RGS7: variants seen among roughly 807,000 people sequenced by gnomAD.
RGS7 encodes regulator of G protein signaling 7, also known as regulator of G-protein signaling 7.
RGS7 carries 27 observed loss-of-function variants against 81.1 expected under a neutral mutation model. The observed-to-expected ratio is 0.33, with a 90% CI of 0.25 to 0.46. RGS7 has a LOEUF of 0.46. RGS7 is among the 20% of genes least tolerant of loss of function. The probability of loss-of-function intolerance (pLI) is 1.00; values close to 1 mark genes in which losing one functional copy is unlikely to be tolerated. For synonymous variants in RGS7, 208 were observed against 207.7 expected, an observed-to-expected ratio of 1.00 and a Z score of -0.01; for missense variants, 396 against 607.4, an observed-to-expected ratio of 0.65 and a Z score of 3.66.
intron 4 of RGS7, among the ~76,000 whole-genome samples, chr1:240,941,486 C>G (rs1436522731): frequency 6.6e-6 from 1 of 151,950 alleles, no homozygotes; most frequent in East Asian, 1.9e-4. Context: ...TCAATATTTG[C>G]TAAATCAATG....
At chr1:241,278,555 G>A (rs745692881) in intron 2 of RGS7, among the ~76,000 whole-genome samples, 1 of 152,168 alleles carries the variant, frequency 6.6e-6, no homozygotes, top group South Asian at 2.1e-4. Flanking sequence ...AGCTACAGGA[G>A]GCTCAAGGGC....
chr1:241,326,713 G>A (rs146042702), intron 2 of RGS7, among the ~76,000 whole-genome samples: 57 of 138,288 alleles, frequency 4.1e-4, no homozygotes, highest in African/African-American at 1.5e-3. Context: ...GGAGGCAAAG[G>A]TGGGCAGGTC....
At chr1:241,200,014 A>G (rs1007182340) in intron 2 of RGS7, among the ~76,000 whole-genome samples, 1 of 152,220 alleles carries the variant, frequency 6.6e-6, no homozygotes, top group African/African-American at 2.4e-5. Context: ...AAATTATACA[A>G]TGTAATAACC....
At chr1:241,161,591 ATAT>A (rs991593977) in intron 2 of RGS7, among the ~76,000 whole-genome samples, 1 of 149,732 alleles carries the variant, frequency 6.7e-6, no homozygotes, top group Non-Finnish European at 1.5e-5. Flanking sequence ...ATAATAACTA[ATAT>A]TAATAATAAT....
intron 6 of RGS7, among the ~76,000 whole-genome samples, chr1:240,879,154 T>G (rs1392934891): frequency 6.6e-6 from 1 of 152,192 alleles, no homozygotes; most frequent in Admixed American, 6.5e-5. Flanking sequence ...TCTAACCCTT[T>G]CAGTAGATTT....
chr1:240,915,488 T>C (rs931922589), intron 6 of RGS7, among the ~76,000 whole-genome samples: 1 of 152,124 alleles, frequency 6.6e-6, no homozygotes, highest in African/African-American at 2.4e-5. Flanking sequence ...CCATGCCTTA[T>C]TTAAGAAGAA....
intron 2 of RGS7, among the ~76,000 whole-genome samples, chr1:241,213,027 A>G (rs58546578): frequency 0.014 from 2,181 of 152,276 alleles, 57 homozygotes; most frequent in African/African-American, 0.05. Context: ...ATGATTGCCA[A>G]CCTGCTTGTG....
rs772001113 is a variant in RGS7 at position 240,811,975 on chromosome 1, A to G, written c.1025T>C (p.Val342Ala). 29 of 1,613,748 alleles carry G rather than the reference A, an allele frequency of 1.8e-5. No individual in the cohort carries two copies. The highest frequency in any genetic ancestry group is 8.3e-5 in the Admixed American group (5 of 59,988). ...FGMDEALKDP[V>A]GREQFLKFLE... Reference sequence around the variant, plus strand: ...AAATTTAAGGAACTGTTCTCTCCCAACTGGGTCTTTCAATGCCTCGTCCAT... The same window carrying G: ...AAATTTAAGGAACTGTTCTCTCCCAGCTGGGTCTTTCAATGCCTCGTCCAT... The change falls in exon 14 of 19, where the codon GTT (valine) becomes GCT (alanine). Residue 342 changes from valine (V) to alanine (A), a missense_variant. By Grantham distance (64) the Val-to-Ala change is moderately conservative. Transcript: ENST00000440928.
At chr1:241,002,340 C>G (rs1358920125) in intron 3 of RGS7, among the ~76,000 whole-genome samples, 1 of 151,738 alleles carries the variant, frequency 6.6e-6, no homozygotes, top group Non-Finnish European at 1.5e-5. Flanking sequence ...ATAATCCCAG[C>G]TACTTGGGAG....
chr1:241,064,747 GA>G (rs1444746698), intron 3 of RGS7, among the ~76,000 whole-genome samples: 4 of 151,394 alleles, frequency 2.6e-5, no homozygotes, highest in Admixed American at 1.3e-4. Context: ...GACAAAGAAA[GA>G]AAAAAAAGTC....
chr1:241,020,190 T>C (rs751783794), intron 3 of RGS7, among the ~76,000 whole-genome samples: 1 of 152,208 alleles, frequency 6.6e-6, no homozygotes, highest in Non-Finnish European at 1.5e-5. Flanking sequence ...AAGTCTGGTA[T>C]GAAGTAGGGG....
At chr1:241,283,290 G>A (rs752328815) in intron 2 of RGS7, among the ~76,000 whole-genome samples, 1 of 152,082 alleles carries the variant, frequency 6.6e-6, no homozygotes, top group African/African-American at 2.4e-5. Context: ...CTTCCTTTCT[G>A]TTTAGAGAAT....
intron 2 of RGS7, among the ~76,000 whole-genome samples, chr1:241,321,286 A>G (rs1573661702): frequency 1.3e-5 from 2 of 152,302 alleles, no homozygotes; most frequent in African/African-American, 4.8e-5. Flanking sequence ...TGCTCTTCCT[A>G]TCTTCCAAAG....
chr1:240,851,981 T>C (rs1027316957), intron 9 of RGS7, among the ~76,000 whole-genome samples: 1 of 152,182 alleles, frequency 6.6e-6, no homozygotes, highest in Non-Finnish European at 1.5e-5. Context: ...CAACAAAGAA[T>C]TTAGAATATT....
chr1:241,204,974 CA>C (rs1558186491), intron 2 of RGS7, among the ~76,000 whole-genome samples: 1 of 151,492 alleles, frequency 6.6e-6, no homozygotes, highest in African/African-American at 2.4e-5. Context: ...CACAGTTACA[CA>C]AAAGTAAATT....
intron 2 of RGS7, among the ~76,000 whole-genome samples, chr1:241,309,733 GA>G (rs1400651597): frequency 6.6e-6 from 1 of 152,206 alleles, no homozygotes; most frequent in African/African-American, 2.4e-5. Context: ...CTGGTTTACT[GA>G]AAATTTAGGA....
chr1:241,152,617 G>A (rs2068836827), intron 2 of RGS7, among the ~76,000 whole-genome samples: 1 of 152,212 alleles, frequency 6.6e-6, no homozygotes, highest in African/African-American at 2.4e-5. Context: ...TCTCTATGAT[G>A]TGGAGAAATG....
chr1:240,893,882 G>T (rs67307387), intron 6 of RGS7, among the ~76,000 whole-genome samples: 19,442 of 152,078 alleles, frequency 0.13, 1,357 homozygotes, highest in Middle Eastern at 0.17. Context: ...ATTAATCATT[G>T]TAAAACAATC....
rs1375111299 is a variant in RGS7 at position 241,200,029 on chromosome 1, C to T, written c.79-101267G>A. ...AAATTATACAATGTAATAACCCTAA[C>T]ATATAAATACAAAATAAACGTTAGA... On this transcript the variant is annotated intron_variant, in intron 2 of 18. Transcript: ENST00000440928. Among the ~76,000 whole-genome samples the T allele has an allele frequency of 2.0e-5, 3 of 152,148 alleles. No individual in the cohort carries two copies. In the East Asian group the frequency reaches 5.8e-4, roughly 29 times the overall value.
Sources: allele counts gnomAD v4.1 joint callset (sites outside exome capture counted in the v4.1 genomes callset), GRCh38; gene constraint gnomAD v4.1.1; transcripts MANE v1.5; gene names NCBI Gene and HGNC (gene_info 2026-07-23, HGNC 2026-07-21).